Variants in PRCP observed in about 807,000 individuals in gnomAD.
PRCP encodes prolylcarboxypeptidase.
A neutral mutation model predicts 54.2 loss-of-function variants in PRCP; 46 were observed. The observed-to-expected ratio is 0.85, with a 90% CI of 0.67 to 1.09. The LOEUF (loss-of-function observed/expected upper bound fraction) is 1.09. Ranked by LOEUF, PRCP falls within the 50% of genes least tolerant of loss-of-function variation. PRCP has a pLI of 0.00. For synonymous variants in PRCP, 240 were observed against 212.2 expected (o/e 1.13, Z -1.14); for missense variants, 613 against 596.8 (o/e 1.03, Z -0.28).
chr11:82,856,058 C>A (rs535754641), intron 2 of PRCP, among the ~76,000 whole-genome samples: 79 of 152,274 alleles, frequency 5.2e-4, no homozygotes, highest in Admixed American at 4.8e-3. Flanking sequence ...GTAATCCCAG[C>A]ACTTTGGGCG....
At chr11:82,882,491 GTTCTTTTTT>G (rs1565234144) in intron 1 of PRCP, among the ~76,000 whole-genome samples, 1 of 142,082 alleles carries the variant, frequency 7.0e-6, no homozygotes, top group Admixed American at 7.0e-5. Context: ...TACTGAGCCA[GTTCTTTTTT>G]TTTTTTTTTT....
upstream of PRCP, chr11:82,900,495 C>G (rs1860253869): frequency 1.3e-6 from 2 of 1,484,262 alleles, no homozygotes; most frequent in East Asian, 4.9e-5. Context: ...GCAGCTCCGC[C>G]CGCCGCAAAA....
At position 82,849,958 on chromosome 11, in the gene PRCP, C is replaced by T. The variant is rs778632113; in HGVS notation, c.707G>A (p.Ser236Asn). The T allele has an allele frequency of 1.3e-6, 2 of 1,534,230 alleles. No homozygotes were observed. The highest frequency in any genetic ancestry group is 1.8e-6 in the Non-Finnish European group (2 of 1,138,214). ...AATGGCATCCCAGGACCTGTGGATG[C>T]TCTCTGAACAATGTGGACCGCTTTT... is the stretch of plus-strand genomic sequence containing the variant. ...FRKSGPHCSE[S>N]IHRSWDAINR... The change falls in exon 5 of 9, where the codon AGC (serine) becomes AAC (asparagine). Residue 236 changes from serine to asparagine, a missense_variant. Physicochemically the swap from Ser to Asn is conservative, Grantham distance 46. Transcript: ENST00000313010.
chr11:82,850,676 A>G (rs746221446), intron 3 of PRCP, among the ~76,000 whole-genome samples, 171 bp from the exon 4 acceptor site: 4 of 152,250 alleles, frequency 2.6e-5, no homozygotes, highest in Admixed American at 6.5e-5. Flanking sequence ...ATTCAAACTC[A>G]TGAAAATGAT....
At chr11:82,890,148 C>T (rs575212978) in intron 1 of PRCP, among the ~76,000 whole-genome samples, 1 of 152,336 alleles carries the variant, frequency 6.6e-6, no homozygotes. Flanking sequence ...AATGGCCTTA[C>T]TAACTTACAT....
intron 8 of PRCP, among the ~76,000 whole-genome samples, chr11:82,832,062 G>A (rs1252315486): frequency 6.6e-6 from 1 of 152,078 alleles, no homozygotes; most frequent in Non-Finnish European, 1.5e-5. Context: ...CCTTTTTATG[G>A]CTACATAGTA....
chr11:82,858,890 T>C (rs1456378991), intron 2 of PRCP: 1 of 152,216 alleles, frequency 6.6e-6, no homozygotes. Context: ...GGAAGTATTT[T>C]ATTTCAACTA....
At chr11:82,900,050 T>C (rs1376436905) in intron 1 of PRCP, 185 bp downstream of exon 1, 40 of 712,688 alleles carry the variant, frequency 5.6e-5, no homozygotes, top group Non-Finnish European at 8.0e-5. Context: ...TTATTGGTAA[T>C]GGGAGGAGAA....
intron 1 of PRCP, among the ~76,000 whole-genome samples, chr11:82,879,792 T>C (rs2121236899): frequency 6.6e-6 from 1 of 152,362 alleles, no homozygotes; most frequent in East Asian, 1.9e-4. Context: ...TGGAGTTTGC[T>C]GGAGGTCCCT....
At chr11:82,874,700 A>G (rs1380983518) in intron 1 of PRCP, among the ~76,000 whole-genome samples, 2 of 151,006 alleles carry the variant, frequency 1.3e-5, no homozygotes, top group African/African-American at 4.9e-5. Context: ...CAAAAAAAAA[A>G]AAAAAAAAAG....
chr11:82,873,114 C>T lies in PRCP; in HGVS notation c.169-12997G>A, dbSNP rs1456079516. ...GAAAGTAAGAAGAATAAGTAGAAGG[C>T]TATTGAAAGGTTCACATGGCACATG... is the stretch of plus-strand genomic sequence containing the variant. On this transcript the variant is annotated intron_variant, in intron 1 of 8. Coordinates refer to ENST00000313010, the MANE Select transcript of PRCP (RefSeq NM_005040.4). 2.7e-5 allele frequency among the ~76,000 whole-genome samples: 4 copies of T among 149,628 alleles called. No homozygotes were observed. The East Asian group carries it at 5.8e-4, about 22-fold the overall frequency.
At chr11:82,850,932 T>G (rs1309169029) in intron 3 of PRCP, among the ~76,000 whole-genome samples, 1 of 152,148 alleles carries the variant, frequency 6.6e-6, no homozygotes, top group Non-Finnish European at 1.5e-5. Context: ...TCACCCTTCT[T>G]CATCGGAAAG....
chr11:82,850,573 T>A lies in PRCP; in HGVS notation c.412-68A>T. On this transcript the variant is annotated intron_variant, in intron 3 of 8. Coordinates refer to ENST00000313010, the MANE Select transcript of PRCP (RefSeq NM_005040.4). ...AACAGCAGCTTAGGAATAGCATGGA[T>A]CCAGAAGAGAGCCAGTGTCAGATAA... The A allele has an allele frequency of 2.5e-6, 3 of 1,215,106 alleles. 1 individual carries two copies. The South Asian group carries it at 7.5e-5, about 30-fold the overall frequency. 75.3% of individuals were successfully genotyped at this position (1,215,106 alleles called of 1,614,324 possible). A position where few individuals can be genotyped will look rare whatever the true frequency, so the allele number is the denominator to read the frequency against.
chr11:82,839,431 A>G lies in PRCP; in HGVS notation c.922-6T>C. The G allele has an allele frequency of 1.9e-6, 3 of 1,604,948 alleles. No homozygotes were observed. The highest frequency in any genetic ancestry group is 2.6e-6 in the Non-Finnish European group (3 of 1,173,796). On this transcript the variant is annotated splice_region_variant and splice_polypyrimidine_tract_variant and intron_variant, in intron 6 of 8. Coordinates refer to ENST00000313010, the MANE Select transcript of PRCP (RefSeq NM_005040.4). Reference sequence around the variant, plus strand: ...TTCAAATACTGGCACACTACCTGTCATTTTAGAAAGATAAATGGGGAAAGA... The same window carrying G: ...TTCAAATACTGGCACACTACCTGTCGTTTTAGAAAGATAAATGGGGAAAGA...
chr11:82,828,185 G>A (rs1858289566), intron 8 of PRCP: 1 of 152,160 alleles, frequency 6.6e-6, no homozygotes, highest in African/African-American at 2.4e-5. Flanking sequence ...AAAATCATTT[G>A]ATTTGGCAAA....
intron 8 of PRCP, chr11:82,828,822 T>G (rs750672333): frequency 6.6e-6 from 1 of 152,312 alleles, no homozygotes; most frequent in Non-Finnish European, 1.5e-5. Context: ...CACTTGGCAG[T>G]TCCTGATGCT....
intron 2 of PRCP, among the ~76,000 whole-genome samples, chr11:82,855,227 C>G (rs933608957): frequency 2.6e-5 from 4 of 152,196 alleles, no homozygotes; most frequent in African/African-American, 7.2e-5. Context: ...AAGAAACTAT[C>G]AACAGAGTAA....
chr11:82,864,247 G>A (rs753708825), intron 1 of PRCP, among the ~76,000 whole-genome samples: 11 of 152,206 alleles, frequency 7.2e-5, no homozygotes, highest in East Asian at 1.9e-4. Context: ...CTGGAAATAC[G>A]TAGTGAAATG....
At chr11:82,887,911 C>G (rs11233362) in intron 1 of PRCP, among the ~76,000 whole-genome samples, 2 of 152,244 alleles carry the variant, frequency 1.3e-5, no homozygotes, top group East Asian at 3.9e-4. Flanking sequence ...GCTGAGTTTC[C>G]CCATTCAGAC....
Sources: allele counts gnomAD v4.1 joint callset (sites outside exome capture counted in the v4.1 genomes callset), GRCh38; gene constraint gnomAD v4.1.1; transcripts MANE v1.5; gene names NCBI Gene and HGNC (gene_info 2026-07-23, HGNC 2026-07-21).